Variants in FHAD1 observed in about 807,000 individuals in gnomAD.
FHAD1 encodes the protein forkhead-associated domain-containing protein 1.
A neutral mutation model predicts 191.3 loss-of-function variants in FHAD1; 146 were observed. The ratio of observed to expected loss-of-function variants is 0.76; its 90% CI spans 0.67 to 0.88. The LOEUF is 0.88. Ranked by LOEUF, FHAD1 falls within the 40% of genes least tolerant of loss-of-function variation. The probability of loss-of-function intolerance (pLI) is 0.00; values close to 1 mark genes in which losing one functional copy is unlikely to be tolerated. For missense variants in FHAD1, 1,635 were observed against 1,785.8 expected (o/e 0.92, Z 1.52); for synonymous variants, 616 against 672.3 (o/e 0.92, Z 1.29).
upstream of FHAD1, among the ~76,000 whole-genome samples, chr1:15,246,229 G>T (rs753598168): frequency 2.8e-4 from 42 of 152,156 alleles, no homozygotes; most frequent in African/African-American, 9.9e-4. Flanking sequence ...AAAAGCAAGC[G>T]GGAAGTCTGC....
intron 8 of FHAD1, 110 bp downstream of exon 8, chr1:15,313,297 T>G: frequency 9.9e-4 from 768 of 777,914 alleles, no homozygotes; most frequent in Middle Eastern, 1.5e-3. Flanking sequence ...TTAAATTTCA[T>G]TCCTTCCTCT....
At chr1:15,358,850 A>C (rs574917802) in intron 21 of FHAD1, among the ~76,000 whole-genome samples, 2 of 152,342 alleles carry the variant, frequency 1.3e-5, no homozygotes, top group African/African-American at 4.8e-5. Flanking sequence ...CCAGAAGAGC[A>C]CAGAGTAAAT....
At chr1:15,324,606 A>T in intron 11 of FHAD1, 47 bp downstream of exon 11, 1 of 1,366,958 alleles carries the variant, frequency 7.3e-7, no homozygotes, top group Non-Finnish European at 1.0e-6. Context: ...CTCTCCAATG[A>T]TTGCACCCAA....
At chr1:15,380,206 ACT>A (rs748046034) in intron 28 of FHAD1, among the ~76,000 whole-genome samples, 2 of 151,950 alleles carry the variant, frequency 1.3e-5, no homozygotes, top group Non-Finnish European at 2.9e-5. Flanking sequence ...CTTCTATGGC[ACT>A]CTCCTCTGGA....
At chr1:15,294,243 A>C (rs1336936141) in intron 4 of FHAD1, among the ~76,000 whole-genome samples, 1 of 152,252 alleles carries the variant, frequency 6.6e-6, no homozygotes, top group African/African-American at 2.4e-5. Context: ...TCTTCAAACA[A>C]AATGGTTTTG....
chr1:15,348,720 G>A (rs565086001), intron 18 of FHAD1, among the ~76,000 whole-genome samples: 3 of 152,226 alleles, frequency 2.0e-5, no homozygotes, highest in East Asian at 3.9e-4. Context: ...GTGCCCTGTC[G>A]AGAGCTCTTT....
At chr1:15,388,536 G>A (rs1702916489) in intron 32 of FHAD1, 1 of 296,460 alleles carries the variant, frequency 3.4e-6, no homozygotes, top group Admixed American at 5.4e-5. Flanking sequence ...AAAGAAGGGA[G>A]GAGTGAGGAG....
At chr1:15,352,451 A>G (rs1220122637) in intron 19 of FHAD1, among the ~76,000 whole-genome samples, 1 of 152,110 alleles carries the variant, frequency 6.6e-6, no homozygotes, top group Non-Finnish European at 1.5e-5. Context: ...AGCCATTGGC[A>G]TGGGTCTGCA....
At chr1:15,333,320 G>A (rs1428030059) in intron 14 of FHAD1, among the ~76,000 whole-genome samples, 1 of 152,108 alleles carries the variant, frequency 6.6e-6, no homozygotes, top group Non-Finnish European at 1.5e-5. Flanking sequence ...GGAAGAGGAA[G>A]ATGAGGAGGA....
At chr1:15,345,394 T>A (rs1688495698) in intron 17 of FHAD1, 22 bp from the exon 18 acceptor site, 1 of 1,547,582 alleles carries the variant, frequency 6.5e-7, no homozygotes, top group South Asian at 1.2e-5. Context: ...CCATGTCTAT[T>A]GAACAATGAT....
chr1:15,292,762 A>C (rs1665311333), intron 4 of FHAD1, among the ~76,000 whole-genome samples: 1 of 152,108 alleles, frequency 6.6e-6, no homozygotes, highest in Non-Finnish European at 1.5e-5. Flanking sequence ...AGGAGAAGCC[A>C]CCCGGCCAAC....
chr1:15,303,656 C>A (rs1233139459), intron 6 of FHAD1, among the ~76,000 whole-genome samples: 1 of 152,116 alleles, frequency 6.6e-6, no homozygotes, highest in South Asian at 2.1e-4. Context: ...TCGAGACCAG[C>A]CTGGCCAACA....
intron 2 of FHAD1, among the ~76,000 whole-genome samples, chr1:15,271,508 G>A (rs1038862882): frequency 6.6e-6 from 1 of 152,118 alleles, no homozygotes; most frequent in African/African-American, 2.4e-5. Flanking sequence ...CACTGGCTGG[G>A]GCCCCTTTCC....
At chr1:15,301,813 G>A (rs1668887420) in intron 6 of FHAD1, among the ~76,000 whole-genome samples, 1 of 152,146 alleles carries the variant, frequency 6.6e-6, no homozygotes, top group Non-Finnish European at 1.5e-5. Context: ...GATCACTTGA[G>A]GTCAGGAGTT....
chr1:15,247,306 G>A lies in FHAD1; in HGVS notation c.-104G>A, dbSNP rs746716288. 4 of 208,022 alleles carry A rather than the reference G, an allele frequency of 1.9e-5. No homozygotes were observed. The highest frequency in any genetic ancestry group is 8.7e-5 in the South Asian group (2 of 22,946). 12.9% of individuals were successfully genotyped at this position (208,022 alleles called of 1,614,324 possible). On this transcript the variant is annotated 5_prime_UTR_variant, in exon 1 of 34. Transcript: ENST00000688493. The stretch of plus-strand genomic sequence containing the variant: ...CTGGAGACTCCGCGGGAGCGCGGCC[G>A]GGAGGCTTCGCCCCGGAGCTGGCCC...
At chr1:15,388,205 C>T in intron 32 of FHAD1, 74 bp downstream of exon 32, 1 of 914,542 alleles carries the variant, frequency 1.1e-6, no homozygotes, top group Non-Finnish European at 1.5e-6. Context: ...TCATGGCATG[C>T]AAATGCCTGC....
chr1:15,314,079 T>C (rs1673180645), intron 8 of FHAD1, among the ~76,000 whole-genome samples: 1 of 148,156 alleles, frequency 6.7e-6, no homozygotes. Flanking sequence ...ATAATAATAA[T>C]AATAATAATA....
intron 2 of FHAD1, among the ~76,000 whole-genome samples, chr1:15,260,286 G>C (rs1306974644): frequency 1.3e-5 from 2 of 152,200 alleles, no homozygotes; most frequent in Non-Finnish European, 2.9e-5. Flanking sequence ...GTGTGTGTAT[G>C]GTGGGGAACT....
Position 15,349,150 on chromosome 1 carries a change from G to A in FHAD1, c.2454+1G>A, listed in dbSNP as rs1192693189. On this transcript the variant is annotated splice_donor_variant, in intron 19 of 33. Coordinates refer to ENST00000688493, the MANE Select transcript of FHAD1 (RefSeq NM_001391957.1). LOFTEE classifies it high-confidence loss of function. The stretch of plus-strand genomic sequence containing the variant: ...GAACCATTTAACCCAACAGAAGGAG[G>A]TATGAGCAGCAGCAGGAAAGAATCC... The A allele has an allele frequency of 1.3e-6, 2 of 1,544,926 alleles. No individual in the cohort carries two copies. The highest frequency in any genetic ancestry group is 1.8e-6 in the Non-Finnish European group (2 of 1,140,976).
Sources: gnomAD v4.1 joint callset for allele counts (sites outside exome capture counted in the v4.1 genomes callset) on GRCh38, gnomAD v4.1.1 for gene constraint, MANE v1.5 for transcripts, NCBI Gene and HGNC (gene_info 2026-07-23, HGNC 2026-07-21) for gene names.